The following SYPL1 variants were observed in gnomAD, a reference collection of about 807,000 sequenced individuals.
SYPL1 encodes synaptophysin-like protein 1.
SYPL1 carries 6 observed loss-of-function variants against 23.7 expected under a neutral mutation model. The ratio of observed to expected loss-of-function variants is 0.25; its 90% CI spans 0.14 to 0.50. The LOEUF (loss-of-function observed/expected upper bound fraction) is 0.50. Ranked by LOEUF, SYPL1 falls within the 20% of genes least tolerant of loss-of-function variation. SYPL1 has a pLI of 0.98. For synonymous variants in SYPL1, 102 were observed against 104.5 expected (o/e 0.98, Z 0.15); for missense variants, 253 against 288.9 (o/e 0.88, Z 0.90).
intron 1 of SYPL1, among the ~76,000 whole-genome samples, chr7:106,110,805 CATTT>C (rs1279936979): frequency 6.6e-6 from 1 of 152,188 alleles, no homozygotes; most frequent in African/African-American, 2.4e-5. Context: ...ACTGCCTCTT[CATTT>C]AAGTGGAAAT....
In SYPL1 at chr7:106,097,296, A is replaced by G. The variant is rs527815715; in HGVS notation, c.402+394T>C. 1.6e-4 allele frequency among the ~76,000 whole-genome samples: 24 copies of G among 152,344 alleles called. No homozygotes were observed. The highest frequency in any genetic ancestry group is 2.4e-4 in the African/African-American group (10 of 41,590). ...TGAACCCATGATATAATTAAACTCA[A>G]TAAGTTTTGTAGAAGTATAAAGTGG... On this transcript the variant is annotated intron_variant, in intron 3 of 4. Coordinates refer to ENST00000455385, the MANE Select transcript of SYPL1 (RefSeq NM_182715.4). The surrounding 1 kb of genome is among the most constrained non-coding windows in gnomAD (Gnocchi z 4.6).
chr7:106,091,768 T>C lies in SYPL1; in HGVS notation c.*37A>G, dbSNP rs1216833648. ...AAGGTGTTGGCAACATGTCATAGTA[T>C]CAACATATACTTCATACAGTGTATT... On this transcript the variant is annotated 3_prime_UTR_variant, in exon 5 of 5. Coordinates refer to ENST00000455385, the MANE Select transcript of SYPL1 (RefSeq NM_182715.4). This position sits in a 1 kb window ranked among gnomAD's most constrained non-coding sequence, Gnocchi z 5.0. The C allele has an allele frequency of 3.2e-6, 5 of 1,575,544 alleles. No individual in the cohort carries two copies. The South Asian group carries it at 5.9e-5, about 19-fold the overall frequency.
chr7:106,097,194 C>T lies in SYPL1; in HGVS notation c.402+496G>A, dbSNP rs1465186617. Among the ~76,000 whole-genome samples, 1 of 152,100 alleles carries T rather than the reference C, an allele frequency of 6.6e-6. No homozygotes were observed. The highest frequency in any genetic ancestry group is 1.5e-5 in the Non-Finnish European group (1 of 68,024). On this transcript the variant is annotated intron_variant, in intron 3 of 4. Coordinates refer to ENST00000455385, the MANE Select transcript of SYPL1 (RefSeq NM_182715.4). The surrounding 1 kb of genome is among the most constrained non-coding windows in gnomAD (Gnocchi z 4.6). Reference sequence around the variant, plus strand: ...CTCCTGCCTGGGCGACAAAGCGAGACCTTGTCTCAAAAAGTAAATATATAA... The same window carrying T: ...CTCCTGCCTGGGCGACAAAGCGAGATCTTGTCTCAAAAAGTAAATATATAA...
intron 1 of SYPL1, among the ~76,000 whole-genome samples, chr7:106,111,029 CA>C (rs1790118048): frequency 6.6e-6 from 1 of 152,172 alleles, no homozygotes; most frequent in African/African-American, 2.4e-5. Context: ...TTCAAGTAGT[CA>C]TTTGTGTGAA....
At chr7:106,106,875 A>C (rs964847389) in intron 1 of SYPL1, among the ~76,000 whole-genome samples, 4 of 152,162 alleles carry the variant, frequency 2.6e-5, no homozygotes, top group Admixed American at 1.3e-4. Context: ...ATTTAAAAAG[A>C]GTTTGGAGCC....
At chr7:106,111,196 G>A (rs900747180) in intron 1 of SYPL1, among the ~76,000 whole-genome samples, 1 of 152,086 alleles carries the variant, frequency 6.6e-6, no homozygotes, top group Non-Finnish European at 1.5e-5. Context: ...AAACATCCTC[G>A]GTAGGTTATT....
At chr7:106,103,192 T>C (rs1410975527) in intron 1 of SYPL1, among the ~76,000 whole-genome samples, 1 of 152,182 alleles carries the variant, frequency 6.6e-6, no homozygotes, top group African/African-American at 2.4e-5. Context: ...AGTATATTCT[T>C]ACACTGGGAA....
Position 106,092,806 on chromosome 7 carries a change from AACACTATATTGTT to A in SYPL1, c.591+130_591+142del, listed in dbSNP as rs1839807327. 4 of 724,002 alleles carry A rather than the reference AACACTATATTGTT, an allele frequency of 5.5e-6. No homozygotes were observed. The South Asian group carries it at 8.5e-5, about 15-fold the overall frequency. The allele number at this position is 724,002 out of a possible 1,614,324, so 44.8% of individuals were successfully genotyped here. On this transcript the variant is annotated intron_variant, in intron 4 of 4. Coordinates refer to ENST00000455385, the MANE Select transcript of SYPL1 (RefSeq NM_182715.4). ...TTTTTAGACAAACTTTTCTTCACTA[AACACTATATTGTT>A]ACTAGAATTCAGGTAGCTGAGTAAA...
intron 1 of SYPL1, 33 bp from the exon 2 acceptor site, chr7:106,099,315 A>C: frequency 6.3e-7 from 1 of 1,588,834 alleles, no homozygotes. Flanking sequence ...AGACAAAAGA[A>C]AAAAAAGATA....
intron 1 of SYPL1, among the ~76,000 whole-genome samples, chr7:106,106,227 A>G (rs563935523): frequency 1.3e-5 from 2 of 152,302 alleles, no homozygotes; most frequent in African/African-American, 2.4e-5. Context: ...CTCTGTCCAT[A>G]AAATTTTGCA....
chr7:106,111,969 G>A (rs759641677), intron 1 of SYPL1, 171 bp downstream of exon 1: 1 of 849,596 alleles, frequency 1.2e-6, no homozygotes, highest in Non-Finnish European at 1.5e-6. Flanking sequence ...TCCGCCCCGC[G>A]CGGCCCAGGC....
upstream of SYPL1, chr7:106,112,542 G>C: frequency 6.6e-7 from 1 of 1,506,744 alleles, no homozygotes; most frequent in Non-Finnish European, 8.8e-7. Context: ...TGCGTGCGCC[G>C]CGCCCCCTTC....
At chr7:106,107,178 A>G (rs1190260469) in intron 1 of SYPL1, among the ~76,000 whole-genome samples, 1 of 152,262 alleles carries the variant, frequency 6.6e-6, no homozygotes, top group Non-Finnish European at 1.5e-5. Context: ...AGCACTTAAA[A>G]TGAAATATTA....
chr7:106,092,731 G>C, intron 4 of SYPL1: 2 of 515,966 alleles, frequency 3.9e-6, no homozygotes, highest in South Asian at 2.1e-5. Context: ...CTAGATGAAA[G>C]AAAGTCTCAG....
Position 106,112,129 on chromosome 7 carries a change from G to A in SYPL1, c.69+11C>T, listed in dbSNP as rs1289673468. The A allele has an allele frequency of 2.7e-6, 4 of 1,490,314 alleles. No individual in the cohort carries two copies. Among genetic ancestry groups the A allele is most frequent in the Admixed American group, 1.9e-5 (1 of 52,814 alleles). 92.3% of individuals were successfully genotyped at this position (1,490,314 alleles called of 1,614,324 possible). On this transcript the variant is annotated intron_variant, in intron 1 of 4. Transcript: ENST00000455385. ...CGGCAGGCGGGCCTGGCCGGCGCGG[G>A]CTGCACTCACCCACTCGAGGACCTT...
intron 1 of SYPL1, among the ~76,000 whole-genome samples, chr7:106,106,593 C>T (rs1840617426): frequency 6.7e-6 from 1 of 150,062 alleles, no homozygotes; most frequent in Non-Finnish European, 1.5e-5. Context: ...AGTGGTTCAT[C>T]TCAGCATTTT....
intron 1 of SYPL1, among the ~76,000 whole-genome samples, chr7:106,108,540 C>T (rs1202575571): frequency 2.0e-5 from 3 of 152,062 alleles, no homozygotes; most frequent in Non-Finnish European, 4.4e-5. Context: ...GATGGGACCC[C>T]CAAACCACCA....
chr7:106,109,568 T>G lies in SYPL1; in HGVS notation c.69+2572A>C, dbSNP rs1410568690. The stretch of plus-strand genomic sequence containing the variant: ...ATATCTGCAGCCCAAACTCATATTT[T>G]AAATTCTAGATCCATATATATAGCT... On this transcript the variant is annotated intron_variant, in intron 1 of 4. Transcript: ENST00000455385. This position sits in a 1 kb window ranked among gnomAD's most constrained non-coding sequence, Gnocchi z 4.3. Among the ~76,000 whole-genome samples, 1 of 152,178 alleles carries G rather than the reference T, an allele frequency of 6.6e-6. No homozygotes were observed. The highest frequency in any genetic ancestry group is 1.5e-5 in the Non-Finnish European group (1 of 68,034).
chr7:106,093,637 CTTATT>C (rs1839876150), intron 3 of SYPL1, among the ~76,000 whole-genome samples: 1 of 75,638 alleles, frequency 1.3e-5, no homozygotes, highest in Non-Finnish European at 4.0e-5. Context: ...AATGTCCTCA[CTTATT>C]TTAATCAATT....
Sources: gnomAD v4.1 joint callset for allele counts (sites outside exome capture counted in the v4.1 genomes callset) on GRCh38, gnomAD v4.1.1 for gene constraint, Gnocchi (gnomAD v3.1) non-coding constraint, MANE v1.5 for transcripts, NCBI Gene and HGNC (gene_info 2026-07-23, HGNC 2026-07-21) for gene names.